The following RPS6KC1 variants were observed in gnomAD, a reference collection of about 807,000 sequenced individuals.
RPS6KC1 encodes ribosomal protein S6 kinase C1, also known as inactive ribosomal protein S6 kinase delta-1.
Under a neutral mutation model 103.8 loss-of-function variants are expected in RPS6KC1, and 54 were observed. That is an observed-to-expected ratio of 0.52 (90% CI 0.42 to 0.65). The LOEUF (loss-of-function observed/expected upper bound fraction) is 0.65. RPS6KC1 is among the 30% of genes least tolerant of loss of function. The probability of loss-of-function intolerance (pLI) is 0.00; values close to 1 mark genes in which losing one functional copy is unlikely to be tolerated. For synonymous variants in RPS6KC1, 439 were observed against 438.7 expected, an observed-to-expected ratio of 1.00 and a Z score of -0.01; for missense variants, 1,151 against 1,253.8, an observed-to-expected ratio of 0.92 and a Z score of 1.24.
the RPS6KC1 span, among the ~76,000 whole-genome samples, chr1:213,411,148 C>G: frequency 6.6e-6 from 1 of 152,296 alleles, no homozygotes; most frequent in African/African-American, 2.4e-5. Context: ...CCTGCTCATT[C>G]ACTTGTTGTT....
intron 8 of RPS6KC1, among the ~76,000 whole-genome samples, chr1:213,190,738 C>T (rs893872205): frequency 6.6e-6 from 1 of 152,156 alleles, no homozygotes; most frequent in African/African-American, 2.4e-5. Context: ...TTCCAATGTC[C>T]TGGAGAGTTT....
chr1:213,282,543 G>T, the RPS6KC1 span, among the ~76,000 whole-genome samples: 4 of 152,340 alleles, frequency 2.6e-5, no homozygotes, highest in South Asian at 4.1e-4. Context: ...AATAAAAAAT[G>T]CATTTTAAAA....
At chr1:213,491,901 C>A in the RPS6KC1 span, among the ~76,000 whole-genome samples, 1 of 152,156 alleles carries the variant, frequency 6.6e-6, no homozygotes, top group Non-Finnish European at 1.5e-5. Context: ...TGGAGGTTGT[C>A]AGGGGGAAGG....
At chr1:213,319,719 T>C in the RPS6KC1 span, among the ~76,000 whole-genome samples, 9 of 152,282 alleles carry the variant, frequency 5.9e-5, no homozygotes, top group African/African-American at 1.9e-4. Flanking sequence ...TATGGAACTT[T>C]GCTCTGCATC....
the RPS6KC1 span, among the ~76,000 whole-genome samples, chr1:213,634,643 A>G: frequency 5.9e-5 from 9 of 152,238 alleles, no homozygotes; most frequent in African/African-American, 1.7e-4. Flanking sequence ...ATCTAAAATC[A>G]ACACCCTAAC....
chr1:213,724,578 G>C, the RPS6KC1 span, among the ~76,000 whole-genome samples: 1 of 152,124 alleles, frequency 6.6e-6, no homozygotes, highest in East Asian at 1.9e-4. Context: ...CTAGGAGATG[G>C]GCACACAGTT....
chr1:213,818,337 C>A, the RPS6KC1 span: 1 of 152,444 alleles, frequency 6.6e-6, no homozygotes, highest in African/African-American at 2.4e-5. Context: ...GTTATGAATG[C>A]AAAGGAAAAG....
the RPS6KC1 span, among the ~76,000 whole-genome samples, chr1:213,422,333 A>G: frequency 3.3e-5 from 5 of 152,240 alleles, no homozygotes; most frequent in African/African-American, 1.2e-4. Context: ...TCAGAATTAC[A>G]TTCCTTTTTA....
chr1:213,650,706 A>G, the RPS6KC1 span, among the ~76,000 whole-genome samples: 1 of 152,018 alleles, frequency 6.6e-6, no homozygotes, highest in African/African-American at 2.4e-5. Flanking sequence ...CCATCAGCTC[A>G]TCTCCCTCTC....
the RPS6KC1 span, among the ~76,000 whole-genome samples, chr1:213,363,794 CTTTCTTTCTTTCTTTCT>C: frequency 7.3e-4 from 66 of 90,964 alleles, 7 homozygotes; most frequent in African/African-American, 3.6e-3. Context: ...TTCTTTCTTT[CTTTCTTTCTTTCTTTCT>C]TTCTTCTCTC....
At chr1:213,399,795 C>T in the RPS6KC1 span, among the ~76,000 whole-genome samples, 176 of 152,194 alleles carry the variant, frequency 1.2e-3, no homozygotes, top group Non-Finnish European at 1.8e-3. Context: ...GGAGCTGGGG[C>T]GGGCCAAGAT....
rs146801034 is a variant in RPS6KC1, at chr1:213,185,923, T to C, written c.1044+9431T>C. Among the ~76,000 whole-genome samples the C allele has an allele frequency of 1.2e-3, 183 of 151,654 alleles. 3 individuals are homozygous for C. The East Asian group carries it at 0.028, about 23-fold the overall frequency. On this transcript the variant is annotated intron_variant, in intron 8 of 14. Transcript: ENST00000366960. ...GTTACCATGAGGCTTACAAAAAATA[T>C]CTTACAAATATAACAAGAGACAGTT...
the RPS6KC1 span, among the ~76,000 whole-genome samples, chr1:213,328,408 A>T: frequency 0.012 from 1,757 of 151,302 alleles, 30 homozygotes; most frequent in African/African-American, 0.04. Flanking sequence ...TTGGATGGGT[A>T]AGCGTGGGGC....
intron 10 of RPS6KC1, among the ~76,000 whole-genome samples, chr1:213,237,653 C>A (rs1026989409): frequency 3.3e-5 from 5 of 151,758 alleles, no homozygotes; most frequent in Non-Finnish European, 7.4e-5. Context: ...AGTCCTAATT[C>A]TGACCAAGCA....
At chr1:213,465,851 A>G in the RPS6KC1 span, among the ~76,000 whole-genome samples, 13 of 152,206 alleles carry the variant, frequency 8.5e-5, no homozygotes, top group African/African-American at 3.1e-4. Context: ...CCACTCTGAC[A>G]GCTTGTGATT....
chr1:213,344,302 G>T, the RPS6KC1 span, among the ~76,000 whole-genome samples: 1 of 152,130 alleles, frequency 6.6e-6, no homozygotes, highest in South Asian at 2.1e-4. Context: ...TCACTAAGTA[G>T]TATGATTGTA....
intron 6 of RPS6KC1, among the ~76,000 whole-genome samples, chr1:213,163,817 C>T (rs1414526980): frequency 6.6e-6 from 1 of 152,174 alleles, no homozygotes; most frequent in African/African-American, 2.4e-5. Flanking sequence ...CTCTTTGTAG[C>T]TCCAGTTTTC....
chr1:213,111,208 C>A (rs185383321), intron 4 of RPS6KC1, among the ~76,000 whole-genome samples: 49 of 152,176 alleles, frequency 3.2e-4, no homozygotes, highest in Non-Finnish European at 2.4e-4. Context: ...TGACAGATTT[C>A]TCCAGATTTA....
intron 7 of RPS6KC1, among the ~76,000 whole-genome samples, chr1:213,172,388 G>A (rs1053445408): frequency 1.2e-4 from 19 of 152,130 alleles, no homozygotes; most frequent in African/African-American, 3.4e-4. Context: ...GAGGCCAGGC[G>A]TTCGAGACCA....
Sources: allele counts gnomAD v4.1 joint callset (sites outside exome capture counted in the v4.1 genomes callset), GRCh38; gene constraint gnomAD v4.1.1; transcripts MANE v1.5; gene names NCBI Gene and HGNC (gene_info 2026-07-23, HGNC 2026-07-21).